Variants in THSD7B observed in about 807,000 individuals in gnomAD.
The protein encoded by THSD7B is thrombospondin type-1 domain-containing protein 7B.
In THSD7B, 138 loss-of-function variants were observed where a neutral mutation model predicts 213.6. That is an observed-to-expected ratio of 0.65 (90% confidence interval 0.56 to 0.74). The LOEUF (loss-of-function observed/expected upper bound fraction) is 0.74. Ranked by LOEUF, THSD7B falls within the 30% of genes least tolerant of loss-of-function variation. The pLI is 0.00. For synonymous variants in THSD7B, 742 were observed against 687.0 expected (o/e 1.08, Z -1.25); for missense variants, 1,931 against 1,991.5 (o/e 0.97, Z 0.58).
chr2:137,622,039 C>T (rs1355396489), intron 20 of THSD7B, among the ~76,000 whole-genome samples: 4 of 152,124 alleles, frequency 2.6e-5, no homozygotes, highest in Admixed American at 1.3e-4. Context: ...AACTCACTCG[C>T]CCCCAGGGAG....
At chr2:137,237,670 C>T (rs1373288128) in intron 9 of THSD7B, among the ~76,000 whole-genome samples, 15 of 152,154 alleles carry the variant, frequency 9.9e-5, no homozygotes, top group African/African-American at 2.4e-5. Flanking sequence ...ACCAACTTTA[C>T]CTTTTTCAGA....
chr2:137,650,989 A>G (rs934547468), intron 21 of THSD7B, among the ~76,000 whole-genome samples: 3 of 152,188 alleles, frequency 2.0e-5, no homozygotes, highest in African/African-American at 7.2e-5. Context: ...TATTTTGATC[A>G]GGATTTTTAC....
At chr2:137,019,152 C>G (rs923617599) in intron 2 of THSD7B, among the ~76,000 whole-genome samples, 2 of 152,188 alleles carry the variant, frequency 1.3e-5, no homozygotes, top group Admixed American at 1.3e-4. Context: ...CTTCATGTGA[C>G]ATCTCCACGA....
At position 137,624,099 on chromosome 2, in the gene THSD7B, A is replaced by G. The variant is rs575911278; in HGVS notation, c.3799+3373A>G. ...ACTATACTACAAGGCTACAGTAACC[A>G]AAACAGCATGGTACTGGTACCAAAA... On this transcript the variant is annotated intron_variant, in intron 20 of 27. Transcript: ENST00000409968. Among the ~76,000 whole-genome samples, 63 of 152,376 alleles carry G rather than the reference A, an allele frequency of 4.1e-4. 1 individual carries two copies. Among genetic ancestry groups the G allele is most frequent in the African/African-American group, 1.0e-3 (43 of 41,596 alleles).
Position 137,155,785 on chromosome 2 carries a change from T to C in THSD7B, c.1370-4428T>C, listed in dbSNP as rs115256864. Among the ~76,000 whole-genome samples the C allele has an allele frequency of 2.2e-3, 334 of 152,116 alleles. 4 individuals carry two copies. The highest frequency in any genetic ancestry group is 7.6e-3 in the African/African-American group (314 of 41,510). On this transcript the variant is annotated intron_variant, in intron 5 of 27. Coordinates refer to ENST00000409968, the MANE Select transcript of THSD7B (RefSeq NM_001316349.2). ...GGATTTTATTTAAAGGTATAAAGGG[T>C]TTAAAGTGTTAAATTTATTTAAAGA...
At chr2:137,507,988 A>G (rs1182762976) in intron 15 of THSD7B, among the ~76,000 whole-genome samples, 1 of 152,180 alleles carries the variant, frequency 6.6e-6, no homozygotes, top group East Asian at 1.9e-4. Flanking sequence ...TTTGTATAAT[A>G]GTTTCCTCAT....
At chr2:136,957,034 C>T (rs547026560) in intron 2 of THSD7B, among the ~76,000 whole-genome samples, 1 of 152,064 alleles carries the variant, frequency 6.6e-6, no homozygotes, top group Non-Finnish European at 1.5e-5. Flanking sequence ...GCCCACCCAA[C>T]GTTCATTGCC....
At chr2:137,131,594 A>G (rs1466742668) in intron 5 of THSD7B, among the ~76,000 whole-genome samples, 2 of 152,238 alleles carry the variant, frequency 1.3e-5, no homozygotes, top group East Asian at 1.9e-4. Context: ...AGCTTTCTAC[A>G]TATGGCTAGC....
chr2:136,768,927 C>G (rs758134394), intron 1 of THSD7B, among the ~76,000 whole-genome samples: 2 of 152,174 alleles, frequency 1.3e-5, no homozygotes, highest in Non-Finnish European at 2.9e-5. Flanking sequence ...TGATAATTAG[C>G]ACGTTAAACC....
intron 1 of THSD7B, among the ~76,000 whole-genome samples, chr2:136,881,818 T>A (rs1301696867): frequency 2.0e-5 from 3 of 152,126 alleles, no homozygotes; most frequent in African/African-American, 7.2e-5. Context: ...CCTGTGAGAA[T>A]CCATGATAAT....
chr2:137,343,827 TAATTTAACG>T (rs1418638170), intron 12 of THSD7B, among the ~76,000 whole-genome samples: 1 of 144,632 alleles, frequency 6.9e-6, no homozygotes, highest in Non-Finnish European at 1.5e-5. Flanking sequence ...GTAGAAAATA[TAATTTAACG>T]AATGCATAAC....
chr2:137,324,100 G>A (rs1217584983), intron 12 of THSD7B, among the ~76,000 whole-genome samples: 4 of 152,256 alleles, frequency 2.6e-5, no homozygotes, highest in Middle Eastern at 6.8e-3. Flanking sequence ...TGTTGCAGAG[G>A]TAAAAAGTCA....
chr2:136,791,997 T>C (rs1681972948), intron 1 of THSD7B, among the ~76,000 whole-genome samples: 1 of 152,016 alleles, frequency 6.6e-6, no homozygotes, highest in South Asian at 2.1e-4. Context: ...CGACCAGCAG[T>C]GTATGAGGGT....
chr2:137,326,734 A>G (rs1684382835), intron 12 of THSD7B, among the ~76,000 whole-genome samples: 2 of 152,334 alleles, frequency 1.3e-5, no homozygotes, highest in Admixed American at 1.3e-4. Context: ...TGCTGGAATG[A>G]ACAGTTTTGG....
chr2:137,462,682 T>C (rs537928949), intron 15 of THSD7B, among the ~76,000 whole-genome samples: 1 of 152,072 alleles, frequency 6.6e-6, no homozygotes, highest in East Asian at 1.9e-4. Flanking sequence ...ATAAACTCTC[T>C]ATATTAATTT....
At chr2:136,851,643 GT>G (rs1339217508) in intron 1 of THSD7B, among the ~76,000 whole-genome samples, 1 of 152,080 alleles carries the variant, frequency 6.6e-6, no homozygotes, top group East Asian at 1.9e-4. Flanking sequence ...TGCCTCTACT[GT>G]TTTTTGAACC....
chr2:137,266,022 A>G (rs780549351), intron 10 of THSD7B, among the ~76,000 whole-genome samples: 1 of 152,210 alleles, frequency 6.6e-6, no homozygotes, highest in Non-Finnish European at 1.5e-5. Context: ...CTGCTCCTAG[A>G]TGTACAAAAC....
chr2:136,807,877 C>G (rs375232344), intron 1 of THSD7B, among the ~76,000 whole-genome samples: 1 of 152,262 alleles, frequency 6.6e-6, no homozygotes, highest in East Asian at 1.9e-4. Context: ...AACTCTGGTT[C>G]CTTTTGTTGA....
intron 12 of THSD7B, among the ~76,000 whole-genome samples, chr2:137,361,951 A>G (rs768419872): frequency 2.0e-5 from 3 of 152,172 alleles, no homozygotes; most frequent in Non-Finnish European, 2.9e-5. Context: ...CAAGGTTGAA[A>G]TGAAGGAAAA....
Sources: allele counts gnomAD v4.1 joint callset (sites outside exome capture counted in the v4.1 genomes callset), GRCh38; gene constraint gnomAD v4.1.1; transcripts MANE v1.5; gene names NCBI Gene and HGNC (gene_info 2026-07-23, HGNC 2026-07-21).